Variants in KCND3 observed in about 807,000 individuals in gnomAD.
KCND3 encodes A-type voltage-gated potassium channel KCND3.
KCND3 carries 9 observed loss-of-function variants against 51.1 expected under a neutral mutation model. That is an observed-to-expected ratio of 0.18 (90% confidence interval 0.11 to 0.31). KCND3 has a LOEUF of 0.31. KCND3 is among the 10% of genes least tolerant of loss of function. The pLI, the probability that KCND3 is intolerant of heterozygous loss-of-function variation, is 1.00. For missense variants in KCND3, 526 were observed against 903.8 expected (o/e 0.58, Z 5.36); for synonymous variants, 349 against 368.0 (o/e 0.95, Z 0.59).
In KCND3 at chr1:111,771,380, CAGAAAG is replaced by C. The variant is rs746010187; in HGVS notation, c.*4691_*4696del. 1 of 152,002 alleles carries C rather than the reference CAGAAAG, an allele frequency of 6.6e-6. No homozygotes were observed. The allele number at this position is 152,002 out of a possible 1,614,324, so 9.4% of individuals were successfully genotyped here. ...AAATAATGAGATTTCATTAGGAAAT[CAGAAAG>C]AGAAAATAAAAGTTTGTCATGGTTA... On this transcript the variant is annotated 3_prime_UTR_variant, in exon 8 of 8. Coordinates refer to ENST00000302127, the MANE Select transcript of KCND3 (RefSeq NM_001378969.1).
chr1:111,809,782 G>T (rs1045014628), intron 2 of KCND3, among the ~76,000 whole-genome samples: 7 of 152,142 alleles, frequency 4.6e-5, no homozygotes, highest in African/African-American at 4.8e-5. Flanking sequence ...TCAGACACTG[G>T]GCTGAGTGCT....
intron 2 of KCND3, among the ~76,000 whole-genome samples, chr1:111,936,492 G>A (rs1014769305): frequency 2.6e-5 from 4 of 152,236 alleles, no homozygotes; most frequent in Admixed American, 6.5e-5. Context: ...TAGGTAGAGG[G>A]AACAGTAAGA....
At chr1:111,900,325 C>T (rs1294807091) in intron 2 of KCND3, among the ~76,000 whole-genome samples, 1 of 152,166 alleles carries the variant, frequency 6.6e-6, no homozygotes, top group Non-Finnish European at 1.5e-5. Context: ...TTCCAAACCT[C>T]CAGGAGACAG....
At chr1:111,855,333 C>T (rs561144061) in intron 2 of KCND3, among the ~76,000 whole-genome samples, 2 of 152,326 alleles carry the variant, frequency 1.3e-5, no homozygotes, top group South Asian at 2.1e-4. Flanking sequence ...TCCCAGTGTC[C>T]GTTATCCGAA....
intron 2 of KCND3, among the ~76,000 whole-genome samples, chr1:111,890,175 G>T (rs1192523913): frequency 6.6e-6 from 1 of 152,188 alleles, no homozygotes; most frequent in African/African-American, 2.4e-5. Flanking sequence ...TTTGCAAAGG[G>T]TCATGTTGGC....
intron 2 of KCND3, among the ~76,000 whole-genome samples, chr1:111,908,902 C>G (rs114870824): frequency 6.8e-6 from 1 of 147,124 alleles, no homozygotes. Context: ...CTTCCCATCT[C>G]GGTGGCTAAG....
chr1:111,892,935 A>G (rs992530653), intron 2 of KCND3, among the ~76,000 whole-genome samples: 4 of 152,212 alleles, frequency 2.6e-5, no homozygotes, highest in Admixed American at 6.5e-5. Context: ...TCTAAGATAT[A>G]AGAAGACTTC....
At chr1:111,956,342 C>G (rs1673340003) in intron 2 of KCND3, among the ~76,000 whole-genome samples, 1 of 152,326 alleles carries the variant, frequency 6.6e-6, no homozygotes, top group African/African-American at 2.4e-5. Context: ...AGTCGCCTCC[C>G]CAGTTCCGGA....
intron 2 of KCND3, among the ~76,000 whole-genome samples, chr1:111,941,958 C>T (rs1672542716): frequency 6.6e-6 from 1 of 152,128 alleles, no homozygotes; most frequent in Non-Finnish European, 1.5e-5. Context: ...AATAATCATC[C>T]GATCACCTTG....
At chr1:111,862,271 C>T (rs1253935390) in intron 2 of KCND3, among the ~76,000 whole-genome samples, 1 of 152,268 alleles carries the variant, frequency 6.6e-6, no homozygotes, top group Non-Finnish European at 1.5e-5. Flanking sequence ...CCATAGGCCT[C>T]TGTCACAACT....
chr1:111,943,080 G>A (rs752355179), intron 2 of KCND3, among the ~76,000 whole-genome samples: 9 of 152,154 alleles, frequency 5.9e-5, no homozygotes, highest in East Asian at 1.9e-4. Context: ...CAAACTGTCC[G>A]GGAGAAGGGG....
At chr1:111,954,598 A>G (rs1673229801) in intron 2 of KCND3, among the ~76,000 whole-genome samples, 1 of 152,188 alleles carries the variant, frequency 6.6e-6, no homozygotes, top group South Asian at 2.1e-4. Context: ...CATTCTCCCA[A>G]CTGCCAGAGT....
At chr1:111,964,328 G>T (rs1011329866) in intron 2 of KCND3, among the ~76,000 whole-genome samples, 1 of 152,202 alleles carries the variant, frequency 6.6e-6, no homozygotes, top group East Asian at 1.9e-4. Flanking sequence ...GCTGAAGCCC[G>T]GGATGCTAAA....
At chr1:111,948,629 A>G (rs1201507682) in intron 2 of KCND3, among the ~76,000 whole-genome samples, 1 of 152,066 alleles carries the variant, frequency 6.6e-6, no homozygotes, top group East Asian at 1.9e-4. Flanking sequence ...CCTCGGACCA[A>G]TTAGCTGGAA....
intron 2 of KCND3, among the ~76,000 whole-genome samples, chr1:111,836,908 C>T (rs745729824): frequency 6.6e-6 from 1 of 152,128 alleles, no homozygotes; most frequent in South Asian, 2.1e-4. Flanking sequence ...GGTGGCTTTC[C>T]AGTTTAAATA....
At chr1:111,946,412 T>C (rs569434872) in intron 2 of KCND3, among the ~76,000 whole-genome samples, 4 of 152,298 alleles carry the variant, frequency 2.6e-5, no homozygotes, top group African/African-American at 7.2e-5. Flanking sequence ...GCTGAGAGCA[T>C]AGTCAGTGCT....
chr1:111,967,352 C>T (rs1674063526), intron 2 of KCND3, among the ~76,000 whole-genome samples: 1 of 152,094 alleles, frequency 6.6e-6, no homozygotes, highest in Non-Finnish European at 1.5e-5. Context: ...TTTAAAAAGC[C>T]TCTTGGTCCC....
chr1:111,823,330 G>T (rs1331246687), intron 2 of KCND3, among the ~76,000 whole-genome samples: 2 of 152,034 alleles, frequency 1.3e-5, no homozygotes, highest in African/African-American at 4.8e-5. Context: ...TTCTCACAGT[G>T]ACAGTGGCCA....
intron 2 of KCND3, among the ~76,000 whole-genome samples, chr1:111,925,009 T>A (rs2101846604): frequency 6.6e-6 from 1 of 152,280 alleles, no homozygotes; most frequent in East Asian, 1.9e-4. Context: ...ACCCGACCTA[T>A]CCAGGGACTA....
Sources: allele counts gnomAD v4.1 joint callset (sites outside exome capture counted in the v4.1 genomes callset), GRCh38; gene constraint gnomAD v4.1.1; transcripts MANE v1.5; gene names NCBI Gene and HGNC (gene_info 2026-07-23, HGNC 2026-07-21).